The following NYAP2 variants were observed in gnomAD, a reference collection of about 807,000 sequenced individuals.
NYAP2 encodes neuronal tyrosine-phosphorylated phosphoinositide-3-kinase adaptor 2.
A neutral mutation model predicts 50.4 loss-of-function variants in NYAP2; 23 were observed. The observed-to-expected ratio is 0.46, with a 90% CI of 0.33 to 0.65. NYAP2 has a LOEUF of 0.65. Among genes scored for constraint, NYAP2 ranks in the 30% least tolerant of loss-of-function variants. The probability of loss-of-function intolerance (pLI) is 0.02; values close to 1 mark genes in which losing one functional copy is unlikely to be tolerated. For missense variants in NYAP2, 885 were observed against 861.0 expected (o/e 1.03, Z -0.35); for synonymous variants, 394 against 365.2 (o/e 1.08, Z -0.90).
intron 6 of NYAP2, among the ~76,000 whole-genome samples, chr2:225,636,902 A>G (rs887494939): frequency 2.6e-5 from 4 of 152,142 alleles, no homozygotes; most frequent in Admixed American, 6.6e-5. Flanking sequence ...TTGACTAAAG[A>G]TGCATGAGTG....
intron 3 of NYAP2, among the ~76,000 whole-genome samples, chr2:225,489,208 T>A (rs986065207): frequency 2.6e-5 from 4 of 152,154 alleles, no homozygotes; most frequent in East Asian, 1.9e-4. Flanking sequence ...TTATTTATTT[T>A]TTTTAAGAGT....
At chr2:225,407,091 G>A (rs113471245) in intron 2 of NYAP2, among the ~76,000 whole-genome samples, 7 of 152,082 alleles carry the variant, frequency 4.6e-5, no homozygotes, top group South Asian at 4.1e-4. Context: ...ATTAATTGTC[G>A]TGAAGTTATG....
chr2:225,589,356 A>G (rs1435027176), intron 5 of NYAP2, among the ~76,000 whole-genome samples: 1 of 150,114 alleles, frequency 6.7e-6, no homozygotes, highest in East Asian at 2.0e-4. Flanking sequence ...GAATCCACAC[A>G]TTTTGTTTGG....
At position 225,622,578 on chromosome 2, in the gene NYAP2, TC is replaced by T. The variant is rs1369613100; in HGVS notation, c.1619-4338del. Among the ~76,000 whole-genome samples the T allele has an allele frequency of 4.6e-5, 6 of 131,436 alleles. 1 individual carries two copies. Among genetic ancestry groups the T allele is most frequent in the African/African-American group, 1.5e-4 (5 of 33,666 alleles). 86.2% of individuals were successfully genotyped at this position (131,436 alleles called of 152,430 possible). A position where few individuals can be genotyped will look rare whatever the true frequency, so the allele number is the denominator to read the frequency against. On this transcript the variant is annotated intron_variant, in intron 5 of 6. Transcript: ENST00000636099. ...CTTTCTTTTTCTTTCTTTCTTTCTT[TC>T]TTCTTTCTTTTTTTTTTTTAGACAA...
In NYAP2 at chr2:225,582,077, G is replaced by A. The variant is rs752905382; in HGVS notation, c.660G>A (p.Thr220=). The A allele has an allele frequency of 3.7e-6, 6 of 1,613,904 alleles. No homozygotes were observed. The African/African-American group carries it at 4.0e-5, about 11-fold the overall frequency. The change falls in exon 5 of 7, where the codon ACG becomes ACA. Residue 220 remains threonine (T), a synonymous_variant. Transcript: ENST00000636099. The surrounding 1 kb of genome is among the most constrained non-coding windows in gnomAD (Gnocchi z 7.0). ...TCAAAAAGCATGGGCCCCGGAGGAC[G>A]TCGCTGCCGCGGGACTCCTCCTTGT...
At chr2:225,549,631 A>T (rs545616722) in intron 4 of NYAP2, among the ~76,000 whole-genome samples, 1 of 152,324 alleles carries the variant, frequency 6.6e-6, no homozygotes, top group East Asian at 1.9e-4. Flanking sequence ...TAAAGATGAC[A>T]TTTAGCTATC....
At chr2:225,647,804 A>C (rs544360589) in intron 6 of NYAP2, among the ~76,000 whole-genome samples, 1 of 152,300 alleles carries the variant, frequency 6.6e-6, no homozygotes, top group East Asian at 1.9e-4. Context: ...AAACAAGATC[A>C]CAGGATGCTT....
At chr2:225,516,897 T>C (rs973670625) in intron 4 of NYAP2, among the ~76,000 whole-genome samples, 1 of 152,174 alleles carries the variant, frequency 6.6e-6, no homozygotes, top group Non-Finnish European at 1.5e-5. Context: ...TCTTTTTACA[T>C]TAAATGCCAG....
Position 225,616,514 on chromosome 2 carries a change from C to G in NYAP2, c.1619-10403C>G, listed in dbSNP as rs961436445. ...CCAGAAACCACAGTTTTAAAATACT[C>G]TGTGATATTCAATTAGAATACAGGT... is the stretch of plus-strand genomic sequence containing the variant. On this transcript the variant is annotated intron_variant, in intron 5 of 6. Transcript: ENST00000636099. Among the ~76,000 whole-genome samples, 3 of 152,160 alleles carry G rather than the reference C, an allele frequency of 2.0e-5. No individual in the cohort carries two copies. The East Asian group carries it at 5.8e-4, about 29-fold the overall frequency.
At chr2:225,555,324 C>CT (rs1356456442) in intron 4 of NYAP2, among the ~76,000 whole-genome samples, 1 of 152,032 alleles carries the variant, frequency 6.6e-6, no homozygotes, top group African/African-American at 2.4e-5. Context: ...TTTTTCTTCC[C>CT]TTTTTCAAAT....
chr2:225,597,888 T>C (rs1286978223), intron 5 of NYAP2, among the ~76,000 whole-genome samples: 1 of 152,116 alleles, frequency 6.6e-6, no homozygotes, highest in Non-Finnish European at 1.5e-5. Context: ...AATATTTTAG[T>C]AAAAGATAAA....
At chr2:225,509,909 T>C (rs567883256) in intron 3 of NYAP2, among the ~76,000 whole-genome samples, 8 of 152,300 alleles carry the variant, frequency 5.3e-5, no homozygotes, top group South Asian at 2.1e-4. Flanking sequence ...ACTTGCAGTA[T>C]TTATTGGAGG....
intron 3 of NYAP2, among the ~76,000 whole-genome samples, chr2:225,454,653 G>T (rs980662291): frequency 1.3e-5 from 2 of 152,098 alleles, no homozygotes; most frequent in Non-Finnish European, 2.9e-5. Flanking sequence ...GCAGCGTTAG[G>T]TTCTCATAGG....
At chr2:225,407,023 G>A (rs894358165) in intron 2 of NYAP2, among the ~76,000 whole-genome samples, 1 of 152,088 alleles carries the variant, frequency 6.6e-6, no homozygotes, top group South Asian at 2.1e-4. Context: ...TCTTCCAGCC[G>A]GAGGCATTAT....
At chr2:225,565,378 A>G (rs1214336651) in intron 4 of NYAP2, among the ~76,000 whole-genome samples, 2 of 152,134 alleles carry the variant, frequency 1.3e-5, no homozygotes, top group Non-Finnish European at 2.9e-5. Context: ...AAGTAAATCC[A>G]TTTCTATTAC....
chr2:225,536,478 T>C (rs1691351982), intron 4 of NYAP2, among the ~76,000 whole-genome samples: 1 of 152,154 alleles, frequency 6.6e-6, no homozygotes, highest in Non-Finnish European at 1.5e-5. Context: ...AAGAATGTGC[T>C]GATGGGGTCC....
chr2:225,407,006 G>T (rs1694952721), intron 2 of NYAP2, among the ~76,000 whole-genome samples: 1 of 152,038 alleles, frequency 6.6e-6, no homozygotes. Flanking sequence ...CAAAGAAGGA[G>T]TGATCATCTT....
intron 4 of NYAP2, among the ~76,000 whole-genome samples, chr2:225,528,357 C>T (rs1419675672): frequency 1.3e-5 from 2 of 152,130 alleles, no homozygotes; most frequent in African/African-American, 2.4e-5. Flanking sequence ...AATTCCCTTC[C>T]CTATTTTTCT....
Position 225,589,516 on chromosome 2 carries a change from AAT to A in NYAP2, c.1618+6506_1618+6507del, listed in dbSNP as rs71062993. Among the ~76,000 whole-genome samples the A allele has an allele frequency of 4.6e-4, 33 of 71,340 alleles. 2 individuals are homozygous for A. Among genetic ancestry groups the A allele is most frequent in the Middle Eastern group, 8.2e-3 (1 of 122 alleles). The allele number at this position is 71,340 out of a possible 152,430, so 46.8% of individuals were successfully genotyped here. On this transcript the variant is annotated intron_variant, in intron 5 of 6. Coordinates refer to ENST00000636099, the Ensembl canonical transcript of NYAP2. ...AAGACTATATCTCTACTAAAAGTAA[AAT>A]ATATATATATATATATATATATATT...
Sources: gnomAD v4.1 joint callset for allele counts (sites outside exome capture counted in the v4.1 genomes callset) on GRCh38, gnomAD v4.1.1 for gene constraint, Gnocchi (gnomAD v3.1) non-coding constraint, MANE v1.5 for transcripts, NCBI Gene and HGNC (gene_info 2026-07-23, HGNC 2026-07-21) for gene names.